The following VIPR2 variants were observed in gnomAD, a reference collection of about 807,000 sequenced individuals.
The protein encoded by VIPR2 is vasoactive intestinal polypeptide receptor 2.
Under a neutral mutation model 58.0 loss-of-function variants are expected in VIPR2, and 48 were observed. That is an observed-to-expected ratio of 0.83 (90% confidence interval 0.66 to 1.05). The LOEUF (loss-of-function observed/expected upper bound fraction) is 1.05. VIPR2 is among the 50% of genes least tolerant of loss of function. VIPR2 has a pLI of 0.00. For synonymous variants in VIPR2, 243 were observed against 235.2 expected, an observed-to-expected ratio of 1.03 and a Z score of -0.30; for missense variants, 534 against 558.0, an observed-to-expected ratio of 0.96 and a Z score of 0.43.
At chr7:159,062,564 C>T (rs1016585354) in intron 4 of VIPR2, among the ~76,000 whole-genome samples, 17 of 152,034 alleles carry the variant, frequency 1.1e-4, no homozygotes, top group African/African-American at 4.1e-4. Flanking sequence ...TTACTTATTC[C>T]TCCCGGTGGG....
chr7:159,034,083 C>A, intron 10 of VIPR2, 130 bp downstream of exon 10: 1 of 828,624 alleles, frequency 1.2e-6, no homozygotes, highest in Admixed American at 2.4e-5. Context: ...AGCCCTGGGG[C>A]CCAGCCTCGA....
chr7:159,096,942 C>T lies in VIPR2; in HGVS notation c.357+6815G>A, dbSNP rs755014966. ...GATGAGCCAATGCCCTCGTGGCTGG[C>T]ATTGAGCTTGGCACCTGCTGGGCCT... On this transcript the variant is annotated intron_variant, in intron 4 of 12. Coordinates refer to ENST00000262178, the MANE Select transcript of VIPR2 (RefSeq NM_003382.5). The surrounding 1 kb of genome is among the most constrained non-coding windows in gnomAD (Gnocchi z 5.5). 75 of 1,550,544 alleles carry T rather than the reference C, an allele frequency of 4.8e-5. No individual in the cohort carries two copies. Among genetic ancestry groups the T allele is most frequent in the Non-Finnish European group, 6.4e-5 (73 of 1,147,040 alleles).
At chr7:159,132,800 C>T (rs13241459) in intron 2 of VIPR2, among the ~76,000 whole-genome samples, 936 of 45,462 alleles carry the variant, frequency 0.021, 26 homozygotes, top group African/African-American at 0.085. Flanking sequence ...AGACTGATTT[C>T]AGACAGAATG....
chr7:159,101,869 C>CCCG (rs1444503850), intron 4 of VIPR2, among the ~76,000 whole-genome samples: 4 of 62,244 alleles, frequency 6.4e-5, no homozygotes, highest in South Asian at 5.2e-4. Flanking sequence ...AGGCGGTTCC[C>CCCG]ACTGTTCCTG....
rs183170825 is a variant in VIPR2 at position 159,099,762 on chromosome 7, T to C, written c.357+3995A>G. On this transcript the variant is annotated intron_variant, in intron 4 of 12. Coordinates refer to ENST00000262178, the MANE Select transcript of VIPR2 (RefSeq NM_003382.5). This position sits in a 1 kb window ranked among gnomAD's most constrained non-coding sequence, Gnocchi z 4.2. ...ACACACCGGGGATCCCACCTGGACC[T>C]TGAAATCCCCCCCAGGCCACAGAAG... is the stretch of plus-strand genomic sequence containing the variant. Among the ~76,000 whole-genome samples, 10 of 152,176 alleles carry C rather than the reference T, an allele frequency of 6.6e-5. No individual in the cohort carries two copies. Among genetic ancestry groups the C allele is most frequent in the Admixed American group, 2.0e-4 (3 of 15,284 alleles).
intron 2 of VIPR2, among the ~76,000 whole-genome samples, chr7:159,120,208 A>T (rs117414252): frequency 6.6e-6 from 1 of 152,272 alleles, no homozygotes; most frequent in South Asian, 2.1e-4. Flanking sequence ...TGGGAAAAAA[A>T]TTTCGTGTTT....
rs1853556814 is a variant in VIPR2, at chr7:159,031,221, G to A, written c.1144-432C>T. 6.6e-6 allele frequency among the ~76,000 whole-genome samples: 1 copy of A among 152,148 alleles called. No homozygotes were observed. The highest frequency in any genetic ancestry group is 1.5e-5 in the Non-Finnish European group (1 of 68,018). ...AGGGGTGCCCGGACGGCAGAGGAGG[G>A]AGGAGGACAAGTGGCACTACTCGGG... On this transcript the variant is annotated intron_variant, in intron 12 of 12. Coordinates refer to ENST00000262178, the MANE Select transcript of VIPR2 (RefSeq NM_003382.5). This position sits in a 1 kb window ranked among gnomAD's most constrained non-coding sequence, Gnocchi z 4.0.
intron 10 of VIPR2, among the ~76,000 whole-genome samples, chr7:159,032,791 A>C (rs1164934313): frequency 6.6e-6 from 1 of 152,048 alleles, no homozygotes; most frequent in African/African-American, 2.4e-5. Context: ...TCAATTTAAC[A>C]AACACTCCCA....
At chr7:159,133,293 C>T (rs1797060429) in intron 2 of VIPR2, among the ~76,000 whole-genome samples, 1 of 152,310 alleles carries the variant, frequency 6.6e-6, no homozygotes, top group African/African-American at 2.4e-5. Context: ...CCCCTAAACA[C>T]GGCCCACGGT....
Position 159,096,773 on chromosome 7 carries a change from T to G in VIPR2, c.357+6984A>C. ...CTGCCTGTGGCCAGATTTCTGCCCC[T>G]GCCTGAGGTCAGTCTCGTGGCCCCC... On this transcript the variant is annotated intron_variant, in intron 4 of 12. Coordinates refer to ENST00000262178, the MANE Select transcript of VIPR2 (RefSeq NM_003382.5). This position sits in a 1 kb window ranked among gnomAD's most constrained non-coding sequence, Gnocchi z 5.5. 1 of 1,410,366 alleles carries G rather than the reference T, an allele frequency of 7.1e-7. No individual in the cohort carries two copies. The allele number at this position is 1,410,366 out of a possible 1,614,324, so 87.4% of individuals were successfully genotyped here. A position where few individuals can be genotyped will look rare whatever the true frequency, so the allele number is the denominator to read the frequency against.
rs751327819 is a variant in VIPR2, at chr7:159,035,987, T to C, written c.774A>G (p.Ala258=). The C allele has an allele frequency of 3.1e-6, 5 of 1,613,580 alleles. No homozygotes were observed. In the South Asian group the frequency reaches 4.4e-5, roughly 14 times the overall value. The change falls in exon 8 of 13, where the codon GCA becomes GCG. Residue 258 remains alanine, a synonymous_variant. Coordinates refer to ENST00000262178, the MANE Select transcript of VIPR2 (RefSeq NM_003382.5). ...GWGLPTVCIG[A]WTAARLYLED... ...CTAAGTAGAGCCTGGCCGCAGTCCA[T>C]GCACCGATGCAGACGGTGGGGAGGC... is the stretch of plus-strand genomic sequence containing the variant.
At chr7:159,062,570 G>C (rs1323199193) in intron 4 of VIPR2, among the ~76,000 whole-genome samples, 2 of 152,048 alleles carry the variant, frequency 1.3e-5, no homozygotes, top group East Asian at 3.9e-4. Flanking sequence ...ATTCCTCCCG[G>C]TGGGTTTGTG....
At position 159,030,503 on chromosome 7, in the gene VIPR2, G is replaced by C. The variant is rs1045335078; in HGVS notation, c.*113C>G. The C allele has an allele frequency of 4.6e-5, 62 of 1,355,422 alleles. No homozygotes were observed. Among genetic ancestry groups the C allele is most frequent in the Middle Eastern group, 2.7e-4 (1 of 3,742 alleles). The allele number at this position is 1,355,422 out of a possible 1,614,324, so 84.0% of individuals were successfully genotyped here. On this transcript the variant is annotated 3_prime_UTR_variant, in exon 13 of 13. Coordinates refer to ENST00000262178, the MANE Select transcript of VIPR2 (RefSeq NM_003382.5). ...ACCAGCTTGACGGAGTCAGGACCGC[G>C]CTGACCTGCCCGACACGGTGCTCGG...
At chr7:159,063,845 G>A (rs1855894934) in intron 4 of VIPR2, among the ~76,000 whole-genome samples, 1 of 117,302 alleles carries the variant, frequency 8.5e-6, no homozygotes, top group African/African-American at 3.4e-5. Flanking sequence ...GGTGGGGTCT[G>A]GGGGGCCTGG....
At position 159,031,556 on chromosome 7, in the gene VIPR2, G is replaced by A. The variant is rs1032276906; in HGVS notation, c.1143+272C>T. The A allele has an allele frequency of 5.1e-6, 5 of 985,228 alleles. No individual in the cohort carries two copies. Among genetic ancestry groups the A allele is most frequent in the African/African-American group, 1.7e-5 (1 of 57,206 alleles). 61.0% of individuals were successfully genotyped at this position (985,228 alleles called of 1,614,324 possible). On this transcript the variant is annotated intron_variant, in intron 12 of 12. Transcript: ENST00000262178. The surrounding 1 kb of genome is among the most constrained non-coding windows in gnomAD (Gnocchi z 4.0). ...AAACAGATTCTGTCTAGACCCGGCC[G>A]GGAGCTTTCCCGAGAGGGCTCCGAG...
chr7:159,078,903 C>T (rs1856774252), intron 4 of VIPR2, among the ~76,000 whole-genome samples: 1 of 152,084 alleles, frequency 6.6e-6, no homozygotes. Flanking sequence ...GTGTTATCCT[C>T]CTGAGAGTAA....
At chr7:159,051,664 G>A (rs560953867) in intron 5 of VIPR2, among the ~76,000 whole-genome samples, 1 of 152,170 alleles carries the variant, frequency 6.6e-6, no homozygotes, top group South Asian at 2.1e-4. Context: ...ATAAAACACA[G>A]GGAAGTAGAA....
At position 159,109,891 on chromosome 7, in the gene VIPR2, C is replaced by T. The variant is rs142959543; in HGVS notation, c.180G>A (p.Thr60=). The change falls in exon 3 of 13, where the codon ACG becomes ACA. Residue 60 remains threonine, a synonymous_variant. Coordinates refer to ENST00000262178, the MANE Select transcript of VIPR2 (RefSeq NM_003382.5). ...CTCCCACATTGGCAGGCCGCCAGCA[C>T]GTGATGTTGTCCCAGACGCCACTGC... The part of the protein sequence containing the change: ...KACSGVWDNI[T]CWRPANVGET... The T allele has an allele frequency of 3.0e-5, 48 of 1,613,846 alleles. No individual in the cohort carries two copies. The Middle Eastern group carries it at 4.9e-4, about 17-fold the overall frequency.
At chr7:159,040,096 T>C (rs905539801) in intron 6 of VIPR2, among the ~76,000 whole-genome samples, 3 of 152,256 alleles carry the variant, frequency 2.0e-5, no homozygotes, top group Non-Finnish European at 4.4e-5. Flanking sequence ...TTTTCCCATG[T>C]GCCCATTCAC....
Sources: allele counts gnomAD v4.1 joint callset (sites outside exome capture counted in the v4.1 genomes callset), GRCh38; gene constraint gnomAD v4.1.1; non-coding constraint Gnocchi (gnomAD v3.1); transcripts MANE v1.5; gene names NCBI Gene and HGNC (gene_info 2026-07-23, HGNC 2026-07-21).